Variants in FLCN observed in about 807,000 individuals in gnomAD.
FLCN encodes folliculin.
Under a neutral mutation model 62.5 loss-of-function variants are expected in FLCN, and 22 were observed. The ratio of observed to expected loss-of-function variants is 0.35; its 90% confidence interval spans 0.25 to 0.50. FLCN has a LOEUF of 0.50. Among genes scored for constraint, FLCN ranks in the 20% least tolerant of loss-of-function variants. The probability of loss-of-function intolerance (pLI) is 0.97; values close to 1 mark genes in which losing one functional copy is unlikely to be tolerated. For synonymous variants in FLCN, 319 were observed against 310.0 expected (o/e 1.03, Z -0.30); for missense variants, 657 against 778.0 (o/e 0.84, Z 1.85).
rs1209487287 is a variant in FLCN at position 17,222,544 on chromosome 17, TTGTCAGCGA to T, written c.727_735del (p.Leu244_Ser246del). On this transcript the variant is annotated inframe_deletion, in exon 7 of 14. Coordinates refer to ENST00000285071, the MANE Select transcript of FLCN (RefSeq NM_144997.7). ...AGGCACGCCCACAGGTTGTCATCAC[TTGTCAGCGA>T]TGTCAGCGAGCGGGCGGCGTTGCCG... 8 of 1,614,202 alleles carry T rather than the reference TTGTCAGCGA, an allele frequency of 5.0e-6. No individual in the cohort carries two copies. The highest frequency in any genetic ancestry group is 6.8e-6 in the Non-Finnish European group (8 of 1,180,034).
At chr17:17,221,362 C>A in intron 8 of FLCN, 175 bp downstream of exon 8, 1 of 1,598,962 alleles carries the variant, frequency 6.3e-7, no homozygotes, top group Non-Finnish European at 8.5e-7. Flanking sequence ...GACAGGAAAT[C>A]ACAACAATCA....
chr17:17,222,453 TGA>T lies in FLCN; in HGVS notation c.779+46_779+47del, dbSNP rs370821543. ...CATGGACAAGCCAACCAATGTATCG[TGA>T]CTGCTCTATCCTAACAGATATGCCA... On this transcript the variant is annotated intron_variant, in intron 7 of 13. Transcript: ENST00000285071. 3.6e-4 allele frequency: 582 copies of T among 1,613,248 alleles called. 1 individual carries two copies. In the Middle Eastern group the frequency reaches 3.8e-3, roughly 11 times the overall value.
At chr17:17,226,980 T>G (rs910013246) in intron 4 of FLCN, among the ~76,000 whole-genome samples, 22 of 152,218 alleles carry the variant, frequency 1.4e-4, no homozygotes, top group African/African-American at 4.6e-4. Context: ...GATTCCTCCA[T>G]GGGCAACCCC....
intron 9 of FLCN, 196 bp from the exon 10 acceptor site, chr17:17,217,378 A>C: frequency 1.6e-6 from 1 of 618,282 alleles, no homozygotes; most frequent in Non-Finnish European, 2.9e-6. Context: ...AGGTTTGCAC[A>C]TAAATGCTAG....
At chr17:17,219,305 A>G (rs2047018917) in intron 8 of FLCN, 96 bp from the exon 9 acceptor site, 1 of 1,152,272 alleles carries the variant, frequency 8.7e-7, no homozygotes, top group Non-Finnish European at 1.2e-6. Flanking sequence ...GTCAGTGTAG[A>G]TTCCTGGCTG....
intron 11 of FLCN, among the ~76,000 whole-genome samples, chr17:17,215,901 G>T (rs1262573614): frequency 6.6e-6 from 1 of 152,182 alleles, no homozygotes; most frequent in Admixed American, 6.5e-5. Context: ...AAGACCAGGG[G>T]TTTGCTGAGC....
At chr17:17,224,621 C>T (rs554753339) in intron 5 of FLCN, 136 of 220,806 alleles carry the variant, frequency 6.2e-4, no homozygotes, top group Non-Finnish European at 1.0e-3. Flanking sequence ...CTGCAACCTC[C>T]GTCTCCTGGG....
At position 17,221,349 on chromosome 17, in the gene FLCN, C is replaced by T. The variant is rs771087637; in HGVS notation, c.871+188G>A. On this transcript the variant is annotated intron_variant, in intron 8 of 13. Transcript: ENST00000285071. ...TCTTTCACATGGCGGTCAAGGCAAACGAGACAGGAAATCACAACAATCACA... is the reference window on the plus strand; with the variant it reads ...TCTTTCACATGGCGGTCAAGGCAAATGAGACAGGAAATCACAACAATCACA... The T allele has an allele frequency of 1.5e-5, 23 of 1,583,332 alleles. No homozygotes were observed. In the Admixed American group the frequency reaches 2.0e-4, roughly 14 times the overall value.
intron 1 of FLCN, among the ~76,000 whole-genome samples, chr17:17,233,320 G>A (rs1223118478): frequency 1.3e-5 from 2 of 152,082 alleles, no homozygotes; most frequent in East Asian, 1.9e-4. Flanking sequence ...TAGCCAGGCC[G>A]GGCGCGGTGG....
At chr17:17,226,511 G>A (rs1343564704) in intron 4 of FLCN, among the ~76,000 whole-genome samples, 189 bp from the exon 5 acceptor site, 1 of 152,220 alleles carries the variant, frequency 6.6e-6, no homozygotes, top group Non-Finnish European at 1.5e-5. Context: ...AGATCGCAGA[G>A]ATTGCCAGAG....
At chr17:17,214,962 G>A in intron 13 of FLCN, 23 bp downstream of exon 13, 1 of 1,609,424 alleles carries the variant, frequency 6.2e-7, no homozygotes, top group South Asian at 1.1e-5. Flanking sequence ...AAGCAAAGGG[G>A]CCTCACCCAC....
Position 17,213,584 on chromosome 17 carries a change from C to G in FLCN, c.*71G>C. The stretch of plus-strand genomic sequence containing the variant: ...TCCAGCAGTTGAGAAACTCAAGGGA[C>G]AGTCCCTCTCACGGGGCTGGAGGAT... On this transcript the variant is annotated 3_prime_UTR_variant, in exon 14 of 14. Transcript: ENST00000285071. 1 of 1,590,136 alleles carries G rather than the reference C, an allele frequency of 6.3e-7. No individual in the cohort carries two copies. The highest frequency in any genetic ancestry group is 8.6e-7 in the Non-Finnish European group (1 of 1,159,026).
intron 13 of FLCN, 106 bp from the exon 14 acceptor site, chr17:17,213,962 T>G: frequency 8.0e-7 from 1 of 1,247,342 alleles, no homozygotes; most frequent in South Asian, 1.2e-5. Flanking sequence ...GCAGGAGCTG[T>G]GCAGGCAGAG....
rs952976829 is a variant in FLCN at position 17,221,128 on chromosome 17, A to C, written c.871+409T>G. 1.3e-5 allele frequency: 18 copies of C among 1,380,280 alleles called. No homozygotes were observed. In the South Asian group the frequency reaches 2.7e-4, roughly 21 times the overall value. 85.5% of individuals were successfully genotyped at this position (1,380,280 alleles called of 1,614,324 possible). On this transcript the variant is annotated intron_variant, in intron 8 of 13. Coordinates refer to ENST00000285071, the MANE Select transcript of FLCN (RefSeq NM_144997.7). ...ACCTGGGGAAGCCCAGGCACCTGGG[A>C]GGTCAGGGAACCACTGCCCTTCATG... is the stretch of plus-strand genomic sequence containing the variant.
At position 17,217,423 on chromosome 17, in the gene FLCN, GTTTT is replaced by G. The variant is rs766511321; in HGVS notation, c.1063-245_1063-242del. ...CTCTTGCTCCAAGATCTTTCTCCCAGTTTTGTTTTTAAAAATTTGAAGCAAAAAG... is the reference window on the plus strand; with the variant it reads ...CTCTTGCTCCAAGATCTTTCTCCCAGGTTTTTAAAAATTTGAAGCAAAAAG... On this transcript the variant is annotated intron_variant, in intron 9 of 13. Transcript: ENST00000285071. 6.1e-5 allele frequency: 35 copies of G among 570,368 alleles called. No individual in the cohort carries two copies. The Admixed American group carries it at 1.0e-3, about 17-fold the overall frequency. 35.3% of individuals were successfully genotyped at this position (570,368 alleles called of 1,614,324 possible). A position where few individuals can be genotyped will look rare whatever the true frequency, so the allele number is the denominator to read the frequency against.
Position 17,237,129 on chromosome 17 carries a change from C to A in FLCN, c.-445G>T, listed in dbSNP as rs542327641. On this transcript the variant is annotated 5_prime_UTR_variant, in exon 1 of 14. Coordinates refer to ENST00000285071, the MANE Select transcript of FLCN (RefSeq NM_144997.7). Reference sequence around the variant, plus strand: ...AGGCTCTCAGGGGAGCTGGCAGAACCAGGAGCGACCACACTCACTCGCGGT... The same window carrying A: ...AGGCTCTCAGGGGAGCTGGCAGAACAAGGAGCGACCACACTCACTCGCGGT... 6.6e-6 allele frequency: 1 copy of A among 152,238 alleles called. No homozygotes were observed. The highest frequency in any genetic ancestry group is 2.4e-5 in the African/African-American group (1 of 41,440). 9.4% of individuals were successfully genotyped at this position (152,238 alleles called of 1,614,324 possible). A position where few individuals can be genotyped will look rare whatever the true frequency, so the allele number is the denominator to read the frequency against.
chr17:17,223,454 C>G (rs559485169), intron 6 of FLCN, among the ~76,000 whole-genome samples: 16 of 152,300 alleles, frequency 1.1e-4, no homozygotes, highest in Admixed American at 8.5e-4. Flanking sequence ...GCAAGCAGAG[C>G]CCCACTCTCC....
In FLCN at chr17:17,213,440, T is replaced by C. The variant is rs1480711052; in HGVS notation, c.*215A>G. On this transcript the variant is annotated 3_prime_UTR_variant, in exon 14 of 14. Transcript: ENST00000285071. Reference sequence around the variant, plus strand: ...GAGCCCATCATCCCTCCGCCTTTCATTGCCATCTTCAGCGATTCCAACGGC... The same window carrying C: ...GAGCCCATCATCCCTCCGCCTTTCACTGCCATCTTCAGCGATTCCAACGGC... The C allele has an allele frequency of 5.9e-5, 38 of 642,156 alleles. No individual in the cohort carries two copies. In the Admixed American group the frequency reaches 8.3e-4, roughly 14 times the overall value. The allele number at this position is 642,156 out of a possible 1,614,324, so 39.8% of individuals were successfully genotyped here. A position where few individuals can be genotyped will look rare whatever the true frequency, so the allele number is the denominator to read the frequency against.
intron 13 of FLCN, 86 bp downstream of exon 13, chr17:17,214,899 G>A (rs984397250): frequency 1.4e-6 from 2 of 1,403,950 alleles, no homozygotes; most frequent in African/African-American, 1.4e-5. Flanking sequence ...TCCCTCAGTG[G>A]CCACGGCCCA....
Sources: gnomAD v4.1 joint callset for allele counts (sites outside exome capture counted in the v4.1 genomes callset) on GRCh38, gnomAD v4.1.1 for gene constraint, MANE v1.5 for transcripts, NCBI Gene and HGNC (gene_info 2026-07-23, HGNC 2026-07-21) for gene names.